Variants in TTC29 observed in about 807,000 individuals in gnomAD.
The protein encoded by TTC29 is tetratricopeptide repeat domain 29.
Under a neutral mutation model 58.1 loss-of-function variants are expected in TTC29, and 49 were observed. The observed-to-expected ratio is 0.84, with a 90% CI of 0.67 to 1.07. TTC29 has a LOEUF of 1.07. Among genes scored for constraint, TTC29 ranks in the 50% least tolerant of loss-of-function variants. The pLI is 0.00. For missense variants in TTC29, 582 were observed against 555.6 expected (o/e 1.05, Z -0.48); for synonymous variants, 209 against 196.8 (o/e 1.06, Z -0.52).
At chr4:146,831,814 T>G (rs2150155420) in intron 9 of TTC29, 2 of 414,978 alleles carry the variant, frequency 4.8e-6, no homozygotes, top group Non-Finnish European at 9.9e-6. Flanking sequence ...TCAAAAATAA[T>G]TATAAAGACC....
chr4:146,930,349 AAG>A (rs1427916382), intron 4 of TTC29, among the ~76,000 whole-genome samples: 3 of 152,006 alleles, frequency 2.0e-5, no homozygotes, highest in African/African-American at 4.8e-5. Flanking sequence ...ATAAAAATAA[AAG>A]AGAATGATAA....
At chr4:146,843,508 G>A (rs1728981370) in intron 8 of TTC29, among the ~76,000 whole-genome samples, 1 of 152,074 alleles carries the variant, frequency 6.6e-6, no homozygotes, top group Non-Finnish European at 1.5e-5. Context: ...TGAAGTGGAG[G>A]CTGTATGGTC....
intron 6 of TTC29, among the ~76,000 whole-genome samples, chr4:146,882,945 T>G (rs543926612): frequency 1.8e-4 from 28 of 152,110 alleles, no homozygotes; most frequent in South Asian, 4.1e-4. Flanking sequence ...GCTCTCTCTC[T>G]CTCTCTCTGT....
intron 5 of TTC29, among the ~76,000 whole-genome samples, chr4:146,904,782 T>C (rs1370035252): frequency 6.6e-6 from 1 of 152,110 alleles, no homozygotes; most frequent in African/African-American, 2.4e-5. Flanking sequence ...AGATTACAAT[T>C]ATGAAAAATA....
chr4:146,883,878 G>GA lies in TTC29; in HGVS notation c.587-8951dup, dbSNP rs112015028. On this transcript the variant is annotated intron_variant, in intron 6 of 12. Coordinates refer to ENST00000325106, the MANE Select transcript of TTC29 (RefSeq NM_031956.4). ...AAAGAGAAGGGGAAGAAAATGAATTGAAAAAAAAGAAGCAATGAAATAATT... is the reference window on the plus strand; with the variant it reads ...AAAGAGAAGGGGAAGAAAATGAATTGAAAAAAAAAGAAGCAATGAAATAATT... 4.1e-3 allele frequency among the ~76,000 whole-genome samples: 616 copies of GA among 151,486 alleles called. 6 individuals carry two copies. Among genetic ancestry groups the GA allele is most frequent in the African/African-American group, 0.013 (557 of 41,364 alleles).
chr4:146,795,932 C>T (rs1191032583), intron 11 of TTC29, among the ~76,000 whole-genome samples: 2 of 152,168 alleles, frequency 1.3e-5, no homozygotes, highest in Non-Finnish European at 2.9e-5. Context: ...AGAGGTAAGA[C>T]CCTTGCTGAG....
chr4:146,787,693 T>C (rs1749126812), intron 11 of TTC29, among the ~76,000 whole-genome samples: 1 of 152,182 alleles, frequency 6.6e-6, no homozygotes, highest in South Asian at 2.1e-4. Context: ...GCGTATTCAT[T>C]TGTGGGCACT....
chr4:146,752,096 GC>G (rs889005936), intron 11 of TTC29, among the ~76,000 whole-genome samples: 1 of 151,832 alleles, frequency 6.6e-6, no homozygotes. Context: ...GGAATAACGG[GC>G]ATTCAATTAG....
At chr4:146,797,213 T>C (rs1056437204) in intron 11 of TTC29, among the ~76,000 whole-genome samples, 49 of 152,226 alleles carry the variant, frequency 3.2e-4, no homozygotes, top group African/African-American at 2.4e-5. Context: ...GATTTCTCCA[T>C]TTAATTTACA....
intron 11 of TTC29, among the ~76,000 whole-genome samples, chr4:146,761,432 A>G (rs1746892264): frequency 6.6e-6 from 1 of 151,958 alleles, no homozygotes. Context: ...ATTATGCATG[A>G]AAACAATTCT....
chr4:146,860,837 T>G (rs898529730), intron 8 of TTC29, among the ~76,000 whole-genome samples: 4 of 152,186 alleles, frequency 2.6e-5, no homozygotes, highest in Non-Finnish European at 4.4e-5. Flanking sequence ...AGGCTGGAGA[T>G]ATAGGTCAAC....
intron 11 of TTC29, among the ~76,000 whole-genome samples, chr4:146,728,830 TATATACAC>T (rs1460191110): frequency 8.7e-6 from 1 of 114,818 alleles, no homozygotes; most frequent in African/African-American, 3.2e-5. Flanking sequence ...TATATACATA[TATATACAC>T]ATATATATGT....
At chr4:146,854,917 C>T (rs1223983352) in intron 8 of TTC29, among the ~76,000 whole-genome samples, 3 of 152,132 alleles carry the variant, frequency 2.0e-5, no homozygotes, top group African/African-American at 7.2e-5. Flanking sequence ...TGTTCAGGTG[C>T]CAAATGCCAT....
chr4:146,733,321 C>G (rs1744481778), intron 11 of TTC29, among the ~76,000 whole-genome samples: 1 of 151,850 alleles, frequency 6.6e-6, no homozygotes, highest in East Asian at 1.9e-4. Flanking sequence ...AAGAATTTAG[C>G]ATAATATTTT....
intron 10 of TTC29, among the ~76,000 whole-genome samples, chr4:146,811,867 CACAG>C (rs1751047835): frequency 6.6e-6 from 1 of 152,182 alleles, no homozygotes; most frequent in African/African-American, 2.4e-5. Context: ...TATATGCCCA[CACAG>C]ACAGTTTAGG....
rs202093090 is a variant in TTC29, at chr4:146,874,721, T to C, written c.794A>G (p.Lys265Arg). Residue 265 changes from lysine to arginine, a missense_variant, in exon 7 of 13, where the codon AAA becomes AGA. Transcript: ENST00000325106. The part of the protein sequence containing the change: ...KILIKASEIA[K>R]EGSDKKMEAE... ...GAGAGTTCTTTTCCACCCACCTTCT[T>C]TGGCTATTTCAGAAGCTTTTATTAG... is the stretch of plus-strand genomic sequence containing the variant. 106 of 1,599,304 alleles carry C rather than the reference T, an allele frequency of 6.6e-5. No homozygotes were observed. The highest frequency in any genetic ancestry group is 8.8e-5 in the Non-Finnish European group (103 of 1,172,956).
In TTC29 at chr4:146,817,897, T is replaced by A. The variant is rs541666252; in HGVS notation, c.1101+2228A>T. On this transcript the variant is annotated intron_variant, in intron 10 of 12. Transcript: ENST00000325106. ...CTAGCCATATGTAGAAAGCTGAAAC[T>A]GGATCCCTTCCTTACACCTTACACA... 3.3e-5 allele frequency among the ~76,000 whole-genome samples: 5 copies of A among 152,352 alleles called. No individual in the cohort carries two copies. The South Asian group carries it at 1.0e-3, about 32-fold the overall frequency.
intron 11 of TTC29, among the ~76,000 whole-genome samples, chr4:146,781,771 G>C (rs1158199827): frequency 6.6e-6 from 1 of 151,792 alleles, no homozygotes; most frequent in African/African-American, 2.4e-5. Context: ...GTGCTTTGAA[G>C]TGTTTTCACT....
intron 10 of TTC29, among the ~76,000 whole-genome samples, chr4:146,810,263 G>C (rs1579727293): frequency 6.6e-6 from 1 of 152,102 alleles, no homozygotes; most frequent in South Asian, 2.1e-4. Context: ...GGGGACTGGG[G>C]GACTAGGGGA....
Sources: gnomAD v4.1 joint callset for allele counts (sites outside exome capture counted in the v4.1 genomes callset) on GRCh38, gnomAD v4.1.1 for gene constraint, MANE v1.5 for transcripts, NCBI Gene and HGNC (gene_info 2026-07-23, HGNC 2026-07-21) for gene names.